STPG2: variants seen among roughly 807,000 people sequenced by gnomAD.
STPG2 encodes the protein sperm tail PG-rich repeat containing 2, also known as sperm-tail PG-rich repeat-containing protein 2.
Under a neutral mutation model 54.2 loss-of-function variants are expected in STPG2, and 56 were observed. That is an observed-to-expected ratio of 1.03 (90% CI 0.83 to 1.29). The LOEUF (loss-of-function observed/expected upper bound fraction) is 1.29, where lower values mean the gene tolerates loss of function less well. Ranked by LOEUF, STPG2 falls within the 50% of genes most tolerant of loss-of-function variation. The pLI is 0.00. For synonymous variants in STPG2, 200 were observed against 181.8 expected (o/e 1.10, Z -0.81); for missense variants, 596 against 544.9 (o/e 1.09, Z -0.93).
At chr4:97,476,852 C>T (rs1730084900) in intron 4 of STPG2, among the ~76,000 whole-genome samples, 1 of 152,092 alleles carries the variant, frequency 6.6e-6, no homozygotes, top group African/African-American at 2.4e-5. Flanking sequence ...TAAGTGGTTC[C>T]AAATATTATT....
intron 9 of STPG2, among the ~76,000 whole-genome samples, chr4:97,735,766 G>C (rs372175779): frequency 6.6e-6 from 1 of 151,756 alleles, no homozygotes; most frequent in East Asian, 1.9e-4. Flanking sequence ...ATGTGTGTCT[G>C]TGTGTGTATG....
intron 9 of STPG2, among the ~76,000 whole-genome samples, chr4:97,804,834 G>C (rs1727502818): frequency 6.6e-6 from 1 of 152,020 alleles, no homozygotes; most frequent in Non-Finnish European, 1.5e-5. Context: ...GATACACTAT[G>C]GGGGTAATAC....
chr4:97,948,212 T>C (rs1417757762), intron 7 of STPG2, among the ~76,000 whole-genome samples: 1 of 152,104 alleles, frequency 6.6e-6, no homozygotes. Context: ...TTCTAGTTTG[T>C]GTTCATGGCT....
chr4:97,894,146 C>T (rs956274580), intron 8 of STPG2, among the ~76,000 whole-genome samples: 3 of 151,924 alleles, frequency 2.0e-5, no homozygotes, highest in African/African-American at 7.2e-5. Context: ...GAACCATATT[C>T]TAGATTTGTG....
At chr4:98,126,575 C>T (rs1165263999) in intron 3 of STPG2, among the ~76,000 whole-genome samples, 3 of 152,182 alleles carry the variant, frequency 2.0e-5, no homozygotes, top group African/African-American at 7.2e-5. Context: ...GTGGGTTGCA[C>T]CAACCGCCTA....
chr4:97,478,468 A>C (rs1730132363), intron 4 of STPG2, among the ~76,000 whole-genome samples: 1 of 152,148 alleles, frequency 6.6e-6, no homozygotes, highest in South Asian at 2.1e-4. Context: ...ATAGACGATC[A>C]CTGTAATTTT....
At chr4:97,867,047 C>T (rs1297894838) in intron 8 of STPG2, among the ~76,000 whole-genome samples, 3 of 151,904 alleles carry the variant, frequency 2.0e-5, no homozygotes, top group Admixed American at 2.0e-4. Flanking sequence ...CCCATGCTAG[C>T]CCAGATCTGA....
intron 4 of STPG2, among the ~76,000 whole-genome samples, chr4:97,533,086 T>C (rs1356830806): frequency 1.3e-5 from 2 of 152,074 alleles, no homozygotes; most frequent in Non-Finnish European, 2.9e-5. Flanking sequence ...TTTCACTGTG[T>C]TAGCCAGGAT....
chr4:98,039,910 T>C lies in STPG2; in HGVS notation c.613-58592A>G, dbSNP rs537356798. Among the ~76,000 whole-genome samples the C allele has an allele frequency of 1.1e-4, 17 of 151,922 alleles. No individual in the cohort carries two copies. In the South Asian group the frequency reaches 3.5e-3, roughly 31 times the overall value. ...TAAGAAGATTCCATATTATTTTCCA[T>C]AAAGGCTGTACTAATTTACATTTCT... On this transcript the variant is annotated intron_variant, in intron 5 of 10. Transcript: ENST00000295268.
chr4:97,690,052 A>G (rs2148987514), intron 10 of STPG2, among the ~76,000 whole-genome samples: 1 of 152,332 alleles, frequency 6.6e-6, no homozygotes, highest in Non-Finnish European at 1.5e-5. Flanking sequence ...AAGCATATTT[A>G]AATCAATAAA....
intron 8 of STPG2, among the ~76,000 whole-genome samples, chr4:97,845,444 T>C (rs1299120313): frequency 6.6e-6 from 1 of 152,138 alleles, no homozygotes; most frequent in Admixed American, 6.6e-5. Flanking sequence ...ATAGAATAGG[T>C]TTATCTTTAC....
chr4:98,085,363 T>C (rs2110120300), intron 5 of STPG2, among the ~76,000 whole-genome samples: 1 of 152,200 alleles, frequency 6.6e-6, no homozygotes, highest in Admixed American at 6.5e-5. Context: ...AATCAAGTAG[T>C]ATAAATCTGC....
intron 4 of STPG2, among the ~76,000 whole-genome samples, chr4:97,514,799 C>T (rs1731041499): frequency 6.6e-6 from 1 of 151,940 alleles, no homozygotes; most frequent in Non-Finnish European, 1.5e-5. Context: ...TATACACAGT[C>T]AAGTCTGAAT....
At chr4:97,985,836 T>C (rs145405389) in intron 5 of STPG2, among the ~76,000 whole-genome samples, 49 of 152,258 alleles carry the variant, frequency 3.2e-4, no homozygotes, top group African/African-American at 1.1e-3. Flanking sequence ...TTAACAGAAA[T>C]AGTATGAAAC....
At chr4:97,834,767 G>A (rs1337864715) in intron 9 of STPG2, among the ~76,000 whole-genome samples, 1 of 152,036 alleles carries the variant, frequency 6.6e-6, no homozygotes, top group East Asian at 1.9e-4. Flanking sequence ...GAAGAAACAA[G>A]AGGGATGGAT....
intron 10 of STPG2, among the ~76,000 whole-genome samples, chr4:97,638,846 C>G (rs1721658835): frequency 1.4e-5 from 2 of 139,248 alleles, no homozygotes; most frequent in African/African-American, 5.6e-5. Context: ...CAGGAAACAA[C>G]AGGTGCTGGA....
At chr4:97,832,976 C>A (rs1441519910) in intron 9 of STPG2, among the ~76,000 whole-genome samples, 1 of 152,152 alleles carries the variant, frequency 6.6e-6, no homozygotes, top group Non-Finnish European at 1.5e-5. Flanking sequence ...CATTAAGCTA[C>A]CATTGACTTT....
At chr4:97,551,754 A>ACTTATTATTG (rs1456897198) in intron 4 of STPG2, among the ~76,000 whole-genome samples, 4 of 152,208 alleles carry the variant, frequency 2.6e-5, no homozygotes, top group Non-Finnish European at 5.9e-5. Flanking sequence ...AAAAAATAAC[A>ACTTATTATTG]CTTATTATTG....
intron 2 of STPG2, among the ~76,000 whole-genome samples, chr4:98,130,095 G>T (rs1739943182): frequency 6.6e-6 from 1 of 151,634 alleles, no homozygotes; most frequent in Non-Finnish European, 1.5e-5. Context: ...CCTGACGTCA[G>T]GTGATCCGCC....
Sources: gnomAD v4.1 joint callset for allele counts (sites outside exome capture counted in the v4.1 genomes callset) on GRCh38, gnomAD v4.1.1 for gene constraint, MANE v1.5 for transcripts, NCBI Gene and HGNC (gene_info 2026-07-23, HGNC 2026-07-21) for gene names.